The following ESS2 variants were observed in gnomAD, a reference collection of about 807,000 sequenced individuals.
ESS2 encodes ess-2 spliceosome associated protein.
In ESS2, 31 loss-of-function variants were observed where a neutral mutation model predicts 52.0. The ratio of observed to expected loss-of-function variants is 0.60; its 90% CI spans 0.45 to 0.81. The LOEUF is 0.81. ESS2 is among the 30% of genes least tolerant of loss of function. The pLI, the probability that ESS2 is intolerant of heterozygous loss-of-function variation, is 0.00. For missense variants in ESS2, 602 were observed against 637.2 expected (o/e 0.94, Z 0.59); for synonymous variants, 285 against 259.2 (o/e 1.10, Z -0.95).
rs1417681126 is a variant in ESS2, at chr22:19,131,364, A to T, written c.*2832T>A. On this transcript the variant is annotated 3_prime_UTR_variant, in exon 10 of 10. Transcript: ENST00000252137. The surrounding 1 kb of genome is among the most constrained non-coding windows in gnomAD (Gnocchi z 5.7). ...GCCTGCTGGCCCACATGACGGGGGGATGTAGACGGCAGCGGCGCCAGTCGC... is the reference window on the plus strand; with the variant it reads ...GCCTGCTGGCCCACATGACGGGGGGTTGTAGACGGCAGCGGCGCCAGTCGC... 1.3e-6 allele frequency: 2 copies of T among 1,532,068 alleles called. No homozygotes were observed. The highest frequency in any genetic ancestry group is 8.9e-7 in the Non-Finnish European group (1 of 1,128,008). 94.9% of individuals were successfully genotyped at this position (1,532,068 alleles called of 1,614,324 possible).
In ESS2 at chr22:19,135,118, C is replaced by A; in HGVS notation, c.1093G>T (p.Ala365Ser). The A allele has an allele frequency of 1.2e-6, 2 of 1,614,098 alleles. No homozygotes were observed. The highest frequency in any genetic ancestry group is 1.7e-6 in the Non-Finnish European group (2 of 1,179,972). ...TCCTGCTTCTTGGCCCGGTTCTTGG[C>A]AGCGGCCTCGTTGGCCATCTTCAGA... ...LGLKMANEAA[A>S]KNRAKKQEAL... The change falls in exon 9 of 10, where the codon GCC becomes TCC. Residue 365 changes from alanine to serine, a missense_variant. By Grantham distance (99) the Ala-to-Ser change is moderately conservative. Coordinates refer to ENST00000252137, the MANE Select transcript of ESS2 (RefSeq NM_022719.3).
At position 19,135,042 on chromosome 22, in the gene ESS2, A is replaced by G; in HGVS notation, c.1151+18T>C. 6.2e-7 allele frequency: 1 copy of G among 1,607,370 alleles called. No individual in the cohort carries two copies. ...AGAGCCACCCTCGCACTTCCCCACC[A>G]GCCAGGCGGCCCCTCACCTGGCCAG... On this transcript the variant is annotated intron_variant, in intron 9 of 9. Coordinates refer to ENST00000252137, the MANE Select transcript of ESS2 (RefSeq NM_022719.3).
Position 19,142,909 on chromosome 22 carries a change from C to A in ESS2, c.136-15G>T, listed in dbSNP as rs1219567820. ...GTCTGGAGGCCCTGCAAGGAGAGAT[C>A]AGAATGAAAGTCAGAGGCCAGGCGC... On this transcript the variant is annotated splice_polypyrimidine_tract_variant and intron_variant, in intron 1 of 9. Coordinates refer to ENST00000252137, the MANE Select transcript of ESS2 (RefSeq NM_022719.3). 3 of 1,607,918 alleles carry A rather than the reference C, an allele frequency of 1.9e-6. No individual in the cohort carries two copies. The highest frequency in any genetic ancestry group is 2.2e-5 in the South Asian group (2 of 90,422).
chr22:19,132,235 C>G lies in ESS2; in HGVS notation c.*1961G>C. On this transcript the variant is annotated 3_prime_UTR_variant, in exon 10 of 10. Coordinates refer to ENST00000252137, the MANE Select transcript of ESS2 (RefSeq NM_022719.3). This position sits in a 1 kb window ranked among gnomAD's most constrained non-coding sequence, Gnocchi z 4.2. ...TGGCTGCAGCCCCCCAAGCCCAAAGCCACGTCTTCTGCCTCCTTCAAGAGG... is the reference window on the plus strand; with the variant it reads ...TGGCTGCAGCCCCCCAAGCCCAAAGGCACGTCTTCTGCCTCCTTCAAGAGG... 1 of 1,612,120 alleles carries G rather than the reference C, an allele frequency of 6.2e-7. No individual in the cohort carries two copies. Among genetic ancestry groups the G allele is most frequent in the Non-Finnish European group, 8.5e-7 (1 of 1,178,550 alleles).
At chr22:19,140,430 AG>A (rs1380232705) in intron 3 of ESS2, among the ~76,000 whole-genome samples, 1 of 152,046 alleles carries the variant, frequency 6.6e-6, no homozygotes, top group Non-Finnish European at 1.5e-5. Context: ...CTCACTCCCT[AG>A]GATTTCCTTA....
intron 3 of ESS2, among the ~76,000 whole-genome samples, chr22:19,141,222 G>C (rs988545340): frequency 2.0e-5 from 3 of 152,124 alleles, no homozygotes; most frequent in African/African-American, 7.2e-5. Context: ...CAAGGACTGT[G>C]TTAATGGCCG....
rs1601341255 is a variant in ESS2, at chr22:19,134,174, T to C, written c.*22A>G. 2.0e-6 allele frequency: 3 copies of C among 1,492,032 alleles called. No homozygotes were observed. Among genetic ancestry groups the C allele is most frequent in the Non-Finnish European group, 2.7e-6 (3 of 1,120,684 alleles). 92.4% of individuals were successfully genotyped at this position (1,492,032 alleles called of 1,614,324 possible). ...CCCTGCAGGCTCTGTGAAGCGTCTA[T>C]GAGCCCAGCCCAGGCCTGGCTCTAA... On this transcript the variant is annotated 3_prime_UTR_variant, in exon 10 of 10. Transcript: ENST00000252137.
intron 1 of ESS2, among the ~76,000 whole-genome samples, chr22:19,143,202 C>CAAAAAAAAAA (rs10632625): frequency 8.8e-6 from 1 of 113,022 alleles, no homozygotes; most frequent in East Asian, 2.5e-4. Flanking sequence ...GAGACCGTCT[C>CAAAAAAAAAA]AAAAAAAAAA....
chr22:19,131,732 C>T lies in ESS2; in HGVS notation c.*2464G>A, dbSNP rs763209049. On this transcript the variant is annotated 3_prime_UTR_variant, in exon 10 of 10. Coordinates refer to ENST00000252137, the MANE Select transcript of ESS2 (RefSeq NM_022719.3). This position sits in a 1 kb window ranked among gnomAD's most constrained non-coding sequence, Gnocchi z 5.7. ...AGTGCCAGGGAGCCCTGCATGAGGA[C>T]GTGGCACGCAAGATGTTCCGACAGC... is the stretch of plus-strand genomic sequence containing the variant. 4.8e-5 allele frequency: 78 copies of T among 1,613,980 alleles called. No individual in the cohort carries two copies. In the East Asian group the frequency reaches 1.4e-3, roughly 30 times the overall value.
rs1271227422 is a variant in ESS2 at position 19,132,419 on chromosome 22, C to G, written c.*1777G>C. The G allele has an allele frequency of 6.2e-7, 1 of 1,612,846 alleles. No homozygotes were observed. Among genetic ancestry groups the G allele is most frequent in the East Asian group, 2.2e-5 (1 of 44,858 alleles). On this transcript the variant is annotated 3_prime_UTR_variant, in exon 10 of 10. Coordinates refer to ENST00000252137, the MANE Select transcript of ESS2 (RefSeq NM_022719.3). The surrounding 1 kb of genome is among the most constrained non-coding windows in gnomAD (Gnocchi z 4.2). The stretch of plus-strand genomic sequence containing the variant: ...GGATGGAGGACAGGCTGGCCGAGAC[C>G]TCCAGGGCCAAAGACCATCACATCT...
Position 19,132,060 on chromosome 22 carries a change from A to G in ESS2, c.*2136T>C. The G allele has an allele frequency of 6.2e-7, 1 of 1,614,072 alleles. No homozygotes were observed. The highest frequency in any genetic ancestry group is 8.5e-7 in the Non-Finnish European group (1 of 1,179,974). On this transcript the variant is annotated 3_prime_UTR_variant, in exon 10 of 10. Transcript: ENST00000252137. The surrounding 1 kb of genome is among the most constrained non-coding windows in gnomAD (Gnocchi z 4.2). ...CTCCATGCCCTATGACGACTCCGAC[A>G]TCAGGAAGATGCTGCGTATCCAGAA... is the stretch of plus-strand genomic sequence containing the variant.
intron 9 of ESS2, 28 bp downstream of exon 9, chr22:19,135,032 C>G: frequency 6.2e-7 from 1 of 1,604,176 alleles, no homozygotes; most frequent in Non-Finnish European, 8.5e-7. Context: ...CACCCTCGCA[C>G]TTCCCCACCA....
Position 19,142,609 on chromosome 22 carries a change from G to A in ESS2, c.329C>T (p.Thr110Ile). The A allele has an allele frequency of 1.2e-6, 2 of 1,613,718 alleles. No homozygotes were observed. The highest frequency in any genetic ancestry group is 1.3e-5 in the African/African-American group (1 of 75,054). Residue 110 changes from threonine to isoleucine, a missense_variant, in exon 3 of 10, where the codon ACC (threonine) becomes ATC (isoleucine). Physicochemically the swap from Thr to Ile is moderately conservative, Grantham distance 89. Transcript: ENST00000252137. ...PPYVTPATFE[T>I]PEVHAGTGVV... ...TCCAGTGCCTGCATGCACCTCAGGG[G>A]TTTCAAATGTGGCTGGAGTCACATC...
At position 19,139,481 on chromosome 22, in the gene ESS2, C is replaced by A; in HGVS notation, c.688+131G>T. 6 of 1,231,836 alleles carry A rather than the reference C, an allele frequency of 4.9e-6. No individual in the cohort carries two copies. In the South Asian group the frequency reaches 7.9e-5, roughly 16 times the overall value. 76.3% of individuals were successfully genotyped at this position (1,231,836 alleles called of 1,614,324 possible). A position where few individuals can be genotyped will look rare whatever the true frequency, so the allele number is the denominator to read the frequency against. ...ACAGACCTGTCCACCCTTAGACAGA[C>A]CAGTACCCATCAGAAGCCCAAACTG... On this transcript the variant is annotated intron_variant, in intron 5 of 9. Coordinates refer to ENST00000252137, the MANE Select transcript of ESS2 (RefSeq NM_022719.3).
chr22:19,144,545 C>T lies in ESS2; in HGVS notation c.96G>A (p.Thr32=). Residue 32 remains threonine (T), a synonymous_variant, in exon 1 of 10, where the codon ACG becomes ACA. Coordinates refer to ENST00000252137, the MANE Select transcript of ESS2 (RefSeq NM_022719.3). ...CCTCGTCCAGGACCCGCTGCTTGCT[C>T]GTCGCAGCCCCAGCCTCTCCCGCCT... The part of the protein sequence containing the change: ...KREAGEAGAA[T]SKQRVLDEEE... 6.2e-7 allele frequency: 1 copy of T among 1,609,076 alleles called. No individual in the cohort carries two copies. The highest frequency in any genetic ancestry group is 8.5e-7 in the Non-Finnish European group (1 of 1,178,040).
At position 19,139,150 on chromosome 22, in the gene ESS2, C is replaced by T; in HGVS notation, c.822+9G>A. On this transcript the variant is annotated intron_variant, in intron 6 of 9. Coordinates refer to ENST00000252137, the MANE Select transcript of ESS2 (RefSeq NM_022719.3). ...TGGCCCATGCGGCCCTGCTGACCCG[C>T]CTGCTCACCTGGGCATTGAGGGCGG... 6 of 1,583,054 alleles carry T rather than the reference C, an allele frequency of 3.8e-6. No individual in the cohort carries two copies. Among genetic ancestry groups the T allele is most frequent in the Non-Finnish European group, 5.2e-6 (6 of 1,164,534 alleles).
chr22:19,135,066 A>G lies in ESS2; in HGVS notation c.1145T>C (p.Leu382Pro). ...CAGCCAGGCGGCCCCTCACCTGGCC[A>G]GATTCTCCGTCACTCTCCGCAAGGC... The part of the protein sequence containing the change: ...QEALRRVTEN[L>P]ASLTPKGLSP... The change falls in exon 9 of 10, where the codon CTG becomes CCG. Residue 382 changes from leucine to proline, a missense_variant. Physicochemically the swap from Leu to Pro is moderately conservative, Grantham distance 98. Coordinates refer to ENST00000252137, the MANE Select transcript of ESS2 (RefSeq NM_022719.3). The G allele has an allele frequency of 6.2e-7, 1 of 1,613,556 alleles. No individual in the cohort carries two copies.
chr22:19,134,639 G>A (rs1273306009), intron 9 of ESS2, among the ~76,000 whole-genome samples, 164 bp from the exon 10 acceptor site: 2 of 152,112 alleles, frequency 1.3e-5, no homozygotes, highest in African/African-American at 2.4e-5. Flanking sequence ...GGATCCCTGA[G>A]GTCAAACAGC....
At position 19,130,550 on chromosome 22, in the gene ESS2, G is replaced by A. The variant is rs912613177; in HGVS notation, c.*3646C>T. 1.9e-5 allele frequency: 8 copies of A among 431,024 alleles called. No individual in the cohort carries two copies. Among genetic ancestry groups the A allele is most frequent in the Non-Finnish European group, 3.2e-5 (7 of 221,058 alleles). The allele number at this position is 431,024 out of a possible 1,614,324, so 26.7% of individuals were successfully genotyped here. On this transcript the variant is annotated 3_prime_UTR_variant, in exon 10 of 10. Transcript: ENST00000252137. ...ACTGTGGTACCGGAGTGATTATTTC[G>A]ATTGTATCTCCTTTACAGCTTGGTC... is the stretch of plus-strand genomic sequence containing the variant.
Sources: gnomAD v4.1 joint callset for allele counts (sites outside exome capture counted in the v4.1 genomes callset) on GRCh38, gnomAD v4.1.1 for gene constraint, Gnocchi (gnomAD v3.1) non-coding constraint, MANE v1.5 for transcripts, NCBI Gene and HGNC (gene_info 2026-07-23, HGNC 2026-07-21) for gene names.